KRT80: variants seen among roughly 807,000 people sequenced by gnomAD.
KRT80 encodes keratin 80.
Under a neutral mutation model 51.5 loss-of-function variants are expected in KRT80, and 36 were observed. The ratio of observed to expected loss-of-function variants is 0.70; its 90% CI spans 0.54 to 0.92. The LOEUF (loss-of-function observed/expected upper bound fraction) is 0.92, where lower values mean the gene tolerates loss of function less well. Among genes scored for constraint, KRT80 ranks in the 40% least tolerant of loss-of-function variants. The probability of loss-of-function intolerance (pLI) is 0.00; values close to 1 mark genes in which losing one functional copy is unlikely to be tolerated. For missense variants in KRT80, 566 were observed against 591.7 expected (o/e 0.96, Z 0.45); for synonymous variants, 235 against 248.3 (o/e 0.95, Z 0.50).
At position 52,191,763 on chromosome 12, in the gene KRT80, G is replaced by A; in HGVS notation, c.140C>T (p.Thr47Ile). 6.2e-7 allele frequency: 1 copy of A among 1,613,100 alleles called. No homozygotes were observed. The highest frequency in any genetic ancestry group is 8.5e-7 in the Non-Finnish European group (1 of 1,179,776). Reference protein sequence around the residue: ...PGPGFSSRSLTGCWSAGTISK... With the variant: ...PGPGFSSRSLIGCWSAGTISK... ...GATAGTGCCAGCCGACCAGCAGCCT[G>A]TGAGGCTGCGGGAGCTGAAGCCCGG... Residue 47 changes from threonine (T) to isoleucine (I), a missense_variant, in exon 1 of 9, where the codon ACA (threonine) becomes ATA (isoleucine). Thr to Ile is a moderately conservative substitution (Grantham distance 89). Transcript: ENST00000394815.
chr12:52,175,635 C>T (rs911264489), intron 4 of KRT80, among the ~76,000 whole-genome samples: 18 of 152,066 alleles, frequency 1.2e-4, no homozygotes, highest in Admixed American at 2.0e-4. Context: ...GCGGTAGTGG[C>T]GGGCATTCGG....
rs370702758 is a variant in KRT80, at chr12:52,191,680, C to A, written c.223G>T (p.Ala75Ser). ...TCCTGGTTCTTCAGCTGCTGAACAG[C>A]GGGGTCCAACTTGACATCCAGGGGC... ...LVPLDVKLDP[A>S]VQQLKNQEKE... The change falls in exon 1 of 9, where the codon GCT (alanine) becomes TCT (serine). Residue 75 changes from alanine (A) to serine (S), a missense_variant. By Grantham distance (99) the Ala-to-Ser change is moderately conservative (BLOSUM62 1). Transcript: ENST00000394815. 32 of 1,613,608 alleles carry A rather than the reference C, an allele frequency of 2.0e-5. No homozygotes were observed. Among genetic ancestry groups the A allele is most frequent in the Admixed American group, 1.2e-4 (7 of 59,972 alleles).
In KRT80 at chr12:52,184,389, C is replaced by T. The variant is rs534649107; in HGVS notation, c.509+990G>A. On this transcript the variant is annotated intron_variant, in intron 2 of 8. Coordinates refer to ENST00000394815, the MANE Select transcript of KRT80 (RefSeq NM_182507.3). The stretch of plus-strand genomic sequence containing the variant: ...CCCACTACCTGACCACAGAGGGTCA[C>T]CTCTCCTCTAAGCAGCCCGAGTGAC... Among the ~76,000 whole-genome samples, 76 of 152,332 alleles carry T rather than the reference C, an allele frequency of 5.0e-4. 1 individual carries two copies. The highest frequency in any genetic ancestry group is 1.8e-3 in the African/African-American group (75 of 41,562).
intron 4 of KRT80, among the ~76,000 whole-genome samples, chr12:52,177,639 G>C (rs992911186): frequency 2.9e-3 from 99 of 33,858 alleles, no homozygotes; most frequent in African/African-American, 0.014. Flanking sequence ...TCTTGGCTGT[G>C]TGTGTGTGTG....
Position 52,173,180 on chromosome 12 carries a change from G to A in KRT80, c.832-17C>T. On this transcript the variant is annotated splice_polypyrimidine_tract_variant and intron_variant, in intron 5 of 8. Coordinates refer to ENST00000394815, the MANE Select transcript of KRT80 (RefSeq NM_182507.3). ...CTCCTCCAGCTGGAGGTACATGGAG[G>A]TCTCAGTGAGGGGCAGCTCAGTGCC... 3 of 1,598,650 alleles carry A rather than the reference G, an allele frequency of 1.9e-6. No individual in the cohort carries two copies. The South Asian group carries it at 3.3e-5, about 18-fold the overall frequency.
In KRT80 at chr12:52,171,537, AGGGG is replaced by A. The variant is rs1343275724; in HGVS notation, c.1235-19_1235-16del. Reference sequence around the variant, plus strand: ...TCTGGAGGCAGCTACAGGGAACATAAGGGGTAGGGGAGGGAAGGGGCTGGAGGTT... The same window carrying A: ...TCTGGAGGCAGCTACAGGGAACATAATAGGGGAGGGAAGGGGCTGGAGGTT... On this transcript the variant is annotated splice_polypyrimidine_tract_variant and intron_variant, in intron 8 of 8. Coordinates refer to ENST00000394815, the MANE Select transcript of KRT80 (RefSeq NM_182507.3). The A allele has an allele frequency of 6.2e-7, 1 of 1,613,776 alleles. No individual in the cohort carries two copies. The highest frequency in any genetic ancestry group is 1.1e-5 in the South Asian group (1 of 91,050).
chr12:52,191,248 C>T (rs929744192), intron 1 of KRT80, among the ~76,000 whole-genome samples: 2 of 152,168 alleles, frequency 1.3e-5, no homozygotes, highest in Non-Finnish European at 1.5e-5. Context: ...AGAGTAGGAC[C>T]GCAGAGCATG....
intron 1 of KRT80, among the ~76,000 whole-genome samples, chr12:52,187,269 GC>G (rs545383200): frequency 1.2e-4 from 19 of 152,238 alleles, no homozygotes; most frequent in Non-Finnish European, 2.4e-4. Flanking sequence ...GGTGCTGCTG[GC>G]CCAGGCTCCC....
rs771632167 is a variant in KRT80, at chr12:52,191,867, G to C, written c.36C>G (p.Ser12Arg). Residue 12 changes from serine (S) to arginine (R), a missense_variant, in exon 1 of 9, where the codon AGC becomes AGG. Physicochemically the swap from Ser to Arg is moderately radical, Grantham distance 110 (BLOSUM62 -1). Transcript: ENST00000394815. ...CCGGGGTCACCTCACAGCTGCTGAG[G>C]CTGCTGAAGCCAACCACGCAGGAGC... ...ACRSCVVGFS[S>R]LSSCEVTPVG... The C allele has an allele frequency of 1.3e-5, 20 of 1,520,580 alleles. No homozygotes were observed. Among genetic ancestry groups the C allele is most frequent in the Non-Finnish European group, 1.8e-5 (20 of 1,130,190 alleles). The allele number at this position is 1,520,580 out of a possible 1,614,324, so 94.2% of individuals were successfully genotyped here. A position where few individuals can be genotyped will look rare whatever the true frequency, so the allele number is the denominator to read the frequency against.
At chr12:52,185,713 C>A in intron 1 of KRT80, 126 bp from the exon 2 acceptor site, 1 of 1,523,298 alleles carries the variant, frequency 6.6e-7, no homozygotes, top group Non-Finnish European at 8.8e-7. Context: ...GCACACCACC[C>A]AGGGCGCTCA....
chr12:52,173,624 C>T lies in KRT80; in HGVS notation c.807G>A (p.Glu269=). The change falls in exon 5 of 9, where the codon GAG becomes GAA. Residue 269 remains glutamate, a synonymous_variant. Coordinates refer to ENST00000394815, the MANE Select transcript of KRT80 (RefSeq NM_182507.3). ...YDAVAARSLE[E]AEAYSRSQLE... is the part of the protein sequence containing the mutation. The stretch of plus-strand genomic sequence containing the variant: ...CCTGGCTCCGAGAGTATGCCTCGGC[C>T]TCCTCCAGGCTGCGAGCCGCGACGG... The T allele has an allele frequency of 6.2e-7, 1 of 1,612,982 alleles. No homozygotes were observed.
chr12:52,173,781 G>A lies in KRT80; in HGVS notation c.667-17C>T. 3.1e-6 allele frequency: 5 copies of A among 1,606,792 alleles called. No individual in the cohort carries two copies. In the South Asian group the frequency reaches 3.3e-5, roughly 11 times the overall value. ...CTTCAGCTCCTGACCGGGCACAGAT[G>A]TGGGGGCTCAGGGCTGGTGGGGAGG... On this transcript the variant is annotated splice_polypyrimidine_tract_variant and intron_variant, in intron 4 of 8. Coordinates refer to ENST00000394815, the MANE Select transcript of KRT80 (RefSeq NM_182507.3).
At chr12:52,182,232 G>A (rs1329088426) in intron 2 of KRT80, among the ~76,000 whole-genome samples, 1 of 152,210 alleles carries the variant, frequency 6.6e-6, no homozygotes, top group Admixed American at 6.5e-5. Flanking sequence ...GGCATCCCCA[G>A]AGAGAACTAA....
Position 52,185,447 on chromosome 12 carries a change from G to A in KRT80, c.441C>T (p.Ser147=). Residue 147 remains serine (S), a synonymous_variant, in exon 2 of 9, where the codon AGC becomes AGT. Transcript: ENST00000394815. ...GRLQEELRKV[S]QERGQLEANL... ...TGGCCTCCAGCTGCCCCCGCTCCTG[G>A]CTCACTTTGCGCAGTTCCTCCTGCA... The A allele has an allele frequency of 6.2e-7, 1 of 1,613,990 alleles. No individual in the cohort carries two copies.
Position 52,173,067 on chromosome 12 carries a change from G to A in KRT80, c.928C>T (p.Arg310Trp), listed in dbSNP as rs183742007. ...CTCTTGACAGAGAGGATCTGGGACC[G>A]CAGCTTCTGGATGCGCACATTGAGA... ...ADLNVRIQKLRSQILSVKSHC... is the reference protein window; with the variant it reads ...ADLNVRIQKLWSQILSVKSHC... Residue 310 changes from arginine to tryptophan, a missense_variant, in exon 6 of 9, where the codon CGG becomes TGG. Coordinates refer to ENST00000394815, the MANE Select transcript of KRT80 (RefSeq NM_182507.3). 144 of 1,612,194 alleles carry A rather than the reference G, an allele frequency of 8.9e-5. No homozygotes were observed. In the East Asian group the frequency reaches 2.5e-3, roughly 28 times the overall value.
chr12:52,175,251 A>G (rs1941198850), intron 4 of KRT80, among the ~76,000 whole-genome samples: 1 of 152,152 alleles, frequency 6.6e-6, no homozygotes. Flanking sequence ...TATTGAACAC[A>G]CTGGCTGTCT....
rs368079294 is a variant in KRT80 at position 52,191,911 on chromosome 12, C to G, written c.-9G>C. The G allele has an allele frequency of 0.031, 45,094 of 1,455,686 alleles. 833 individuals are homozygous for G. Among genetic ancestry groups the G allele is most frequent in the Non-Finnish European group, 0.037 (40,719 of 1,102,500 alleles). 90.2% of individuals were successfully genotyped at this position (1,455,686 alleles called of 1,614,324 possible). Reference sequence around the variant, plus strand: ...CAGGAGCGGCAGGCCATGGTGCCCCCGGCCGGAAGCAGGAGGGCCCAGGGG... The same window carrying G: ...CAGGAGCGGCAGGCCATGGTGCCCCGGGCCGGAAGCAGGAGGGCCCAGGGG... On this transcript the variant is annotated 5_prime_UTR_variant, in exon 1 of 9. Coordinates refer to ENST00000394815, the MANE Select transcript of KRT80 (RefSeq NM_182507.3).
chr12:52,183,765 G>C (rs555394565), intron 2 of KRT80, among the ~76,000 whole-genome samples: 1 of 152,390 alleles, frequency 6.6e-6, no homozygotes, highest in African/African-American at 2.4e-5. Context: ...GCCTTACCCA[G>C]TGGCTGGCTG....
intron 1 of KRT80, among the ~76,000 whole-genome samples, chr12:52,186,823 GTCCTC>G: frequency 6.6e-6 from 1 of 152,056 alleles, no homozygotes; most frequent in Non-Finnish European, 1.5e-5. Context: ...GTCCTGCGCA[GTCCTC>G]TCCTTCCTTC....
Sources: gnomAD v4.1 joint callset for allele counts (sites outside exome capture counted in the v4.1 genomes callset) on GRCh38, gnomAD v4.1.1 for gene constraint, MANE v1.5 for transcripts, NCBI Gene and HGNC (gene_info 2026-07-23, HGNC 2026-07-21) for gene names.